VPS35L: variants seen among roughly 807,000 people sequenced by gnomAD.
VPS35L encodes VPS35 endosomal protein-sorting factor-like.
VPS35L carries 83 observed loss-of-function variants against 133.0 expected under a neutral mutation model. That is an observed-to-expected ratio of 0.62 (90% CI 0.52 to 0.75). The LOEUF (loss-of-function observed/expected upper bound fraction) is 0.75. Among genes scored for constraint, VPS35L ranks in the 30% least tolerant of loss-of-function variants. The pLI is 0.00. For synonymous variants in VPS35L, 423 were observed against 449.9 expected (o/e 0.94, Z 0.76); for missense variants, 1,083 against 1,206.8 (o/e 0.90, Z 1.52).
chr16:19,571,576 A>G (rs1971386044), intron 3 of VPS35L, among the ~76,000 whole-genome samples: 1 of 151,024 alleles, frequency 6.6e-6, no homozygotes, highest in African/African-American at 2.4e-5. Context: ...ACGGAGTCTC[A>G]TTCTGTTGCC....
At position 19,699,956 on chromosome 16, in the gene VPS35L, C is replaced by A. The variant is rs934111577; in HGVS notation, c.2793+308C>A. Among the ~76,000 whole-genome samples the A allele has an allele frequency of 6.6e-6, 1 of 152,042 alleles. No individual in the cohort carries two copies. Among genetic ancestry groups the A allele is most frequent in the African/African-American group, 2.4e-5 (1 of 41,394 alleles). On this transcript the variant is annotated intron_variant, in intron 30 of 30. Transcript: ENST00000417362. The surrounding 1 kb of genome is among the most constrained non-coding windows in gnomAD (Gnocchi z 4.2). Reference sequence around the variant, plus strand: ...CTACAAAAAATAAAAAATTAGCCGGCCATGGTGGTGCACATGTGTAGTCCC... The same window carrying A: ...CTACAAAAAATAAAAAATTAGCCGGACATGGTGGTGCACATGTGTAGTCCC...
intron 2 of VPS35L, among the ~76,000 whole-genome samples, chr16:19,568,922 G>GGCCACT (rs1971274328): frequency 6.6e-6 from 1 of 152,106 alleles, no homozygotes; most frequent in Non-Finnish European, 1.5e-5. Flanking sequence ...TTGGGATACA[G>GGCCACT]GCATGAGCCA....
At chr16:19,588,411 C>G (rs1178129366) in intron 7 of VPS35L, among the ~76,000 whole-genome samples, 1 of 151,900 alleles carries the variant, frequency 6.6e-6, no homozygotes, top group African/African-American at 2.4e-5. Flanking sequence ...GGTCTCAATT[C>G]AAACTCCTGA....
intron 25 of VPS35L, 112 bp downstream of exon 25, chr16:19,650,571 G>GT: frequency 2.4e-6 from 2 of 840,266 alleles, no homozygotes; most frequent in South Asian, 3.2e-5. Context: ...GATAAGAATG[G>GT]TTTAGTATTG....
intron 7 of VPS35L, among the ~76,000 whole-genome samples, chr16:19,582,811 A>G (rs1372902789): frequency 6.6e-6 from 1 of 152,074 alleles, no homozygotes; most frequent in Non-Finnish European, 1.5e-5. Flanking sequence ...TGTTTCATCA[A>G]CTCCACATCT....
At chr16:19,691,594 A>C in intron 29 of VPS35L, 123 bp downstream of exon 29, 2 of 716,006 alleles carry the variant, frequency 2.8e-6, no homozygotes, top group Non-Finnish European at 4.8e-6. Context: ...TTTATGTGCA[A>C]ACCACTTCTC....
chr16:19,587,076 A>G lies in VPS35L; in HGVS notation c.640-4714A>G, dbSNP rs901346635. On this transcript the variant is annotated intron_variant, in intron 7 of 30. Transcript: ENST00000417362. ...AAAGGGGAAGCAGGTACATCTTTCCATAGCAGAGCAGGAGAGAGAAAGAGA... is the reference window on the plus strand; with the variant it reads ...AAAGGGGAAGCAGGTACATCTTTCCGTAGCAGAGCAGGAGAGAGAAAGAGA... 3.3e-5 allele frequency among the ~76,000 whole-genome samples: 5 copies of G among 151,488 alleles called. No individual in the cohort carries two copies. The East Asian group carries it at 8.0e-4, about 24-fold the overall frequency.
chr16:19,601,617 G>C (rs750853860), intron 8 of VPS35L, 47 bp from the exon 9 acceptor site: 2 of 1,574,316 alleles, frequency 1.3e-6, no homozygotes, highest in Non-Finnish European at 8.7e-7. Flanking sequence ...TTTACTGTTT[G>C]CTCCTGAAGA....
At position 19,598,089 on chromosome 16, in the gene VPS35L, C is replaced by T. The variant is rs139484811; in HGVS notation, c.725-3575C>T. Among the ~76,000 whole-genome samples, 182 of 152,262 alleles carry T rather than the reference C, an allele frequency of 1.2e-3. No individual in the cohort carries two copies. In the East Asian group the frequency reaches 0.02, roughly 17 times the overall value. ...GGGTACAGAGGTGGGCTTCTGGCTT[C>T]AGTGCCTGCGTCTCCTGTTTCAGGG... On this transcript the variant is annotated intron_variant, in intron 8 of 30. Coordinates refer to ENST00000417362, the MANE Select transcript of VPS35L (RefSeq NM_020314.7).
intron 27 of VPS35L, among the ~76,000 whole-genome samples, chr16:19,677,663 G>A (rs1265443760): frequency 6.6e-6 from 1 of 152,190 alleles, no homozygotes; most frequent in Non-Finnish European, 1.5e-5. Flanking sequence ...GGGGATGCCC[G>A]AGCTGCTGGT....
intron 14 of VPS35L, 49 bp from the exon 15 acceptor site, chr16:19,626,128 T>C: frequency 8.1e-7 from 1 of 1,229,964 alleles, no homozygotes; most frequent in East Asian, 2.6e-5. Flanking sequence ...AATGTTACTT[T>C]AGCTCCTCCA....
intron 29 of VPS35L, among the ~76,000 whole-genome samples, chr16:19,693,626 CAGA>C: frequency 6.6e-6 from 1 of 151,978 alleles, no homozygotes; most frequent in African/African-American, 2.4e-5. Flanking sequence ...ACAAAAAATA[CAGA>C]AAAAATTAGT....
chr16:19,588,562 T>A (rs533980249), intron 7 of VPS35L, among the ~76,000 whole-genome samples: 2 of 152,196 alleles, frequency 1.3e-5, no homozygotes, highest in African/African-American at 4.8e-5. Context: ...TTCTGGGCCC[T>A]TTGCATTTCT....
intron 8 of VPS35L, among the ~76,000 whole-genome samples, chr16:19,595,253 C>T (rs115556140): frequency 0.025 from 3,830 of 151,960 alleles, 171 homozygotes; most frequent in African/African-American, 0.088. Flanking sequence ...GACTGTAGGG[C>T]GGGGGTAGAG....
chr16:19,570,690 C>T (rs1488441415), intron 3 of VPS35L, among the ~76,000 whole-genome samples: 1 of 151,608 alleles, frequency 6.6e-6, no homozygotes, highest in Non-Finnish European at 1.5e-5. Context: ...GGTTCTCTTA[C>T]TACCTTGTGA....
chr16:19,573,337 CTTAT>C, intron 4 of VPS35L, 96 bp downstream of exon 4: 7 of 1,329,482 alleles, frequency 5.3e-6, no homozygotes, highest in South Asian at 1.4e-5. Flanking sequence ...GTAAGTTTCA[CTTAT>C]TTATTTATTT....
rs116960755 is a variant in VPS35L, at chr16:19,625,330, T to G, written c.1225-847T>G. ...GGTAAGATCGTGAGTGCAAAGTGCT[T>G]CTCACCATGGCTGGTGGGCACTAAG... On this transcript the variant is annotated intron_variant, in intron 14 of 30. Coordinates refer to ENST00000417362, the MANE Select transcript of VPS35L (RefSeq NM_020314.7). 1.3e-4 allele frequency among the ~76,000 whole-genome samples: 20 copies of G among 152,278 alleles called. No individual in the cohort carries two copies. The East Asian group carries it at 1.7e-3, about 13-fold the overall frequency.
chr16:19,627,775 T>C lies in VPS35L; in HGVS notation c.1353T>C (p.Ile451=). 1 of 1,613,594 alleles carries C rather than the reference T, an allele frequency of 6.2e-7. No individual in the cohort carries two copies. The highest frequency in any genetic ancestry group is 8.5e-7 in the Non-Finnish European group (1 of 1,179,502). The change falls in exon 16 of 31, where the codon ATT becomes ATC. Residue 451 remains isoleucine (I), a synonymous_variant. Transcript: ENST00000417362. ...GGTCTATGGATTTCATTGGCATGAT[T>C]AAAGAGTGTGATGAATCTGGTTTCC... The part of the protein sequence containing the change: ...ATRSMDFIGM[I]KECDESGFPK...
At chr16:19,634,689 T>G (rs893224041) in intron 19 of VPS35L, among the ~76,000 whole-genome samples, 2 of 152,204 alleles carry the variant, frequency 1.3e-5, no homozygotes, top group South Asian at 2.1e-4. Context: ...AAGAATTGTC[T>G]TCCTTTAGGT....
Sources: allele counts gnomAD v4.1 joint callset (sites outside exome capture counted in the v4.1 genomes callset), GRCh38; gene constraint gnomAD v4.1.1; non-coding constraint Gnocchi (gnomAD v3.1); transcripts MANE v1.5; gene names NCBI Gene and HGNC (gene_info 2026-07-23, HGNC 2026-07-21).